The following DCT variants were observed in gnomAD, a reference collection of about 807,000 sequenced individuals.
The protein encoded by DCT is L-dopachrome tautomerase.
In DCT, 47 loss-of-function variants were observed where a neutral mutation model predicts 53.0. The ratio of observed to expected loss-of-function variants is 0.89; its 90% CI spans 0.70 to 1.13. The LOEUF (loss-of-function observed/expected upper bound fraction) is 1.13. Ranked by LOEUF, DCT falls within the 50% of genes most tolerant of loss-of-function variation. DCT has a pLI of 0.00. For missense variants in DCT, 669 were observed against 637.4 expected, an observed-to-expected ratio of 1.05 and a Z score of -0.53; for synonymous variants, 244 against 237.0, an observed-to-expected ratio of 1.03 and a Z score of -0.27.
the DCT span, among the ~76,000 whole-genome samples, chr13:94,545,843 G>C: frequency 6.6e-6 from 1 of 151,882 alleles, no homozygotes; most frequent in Non-Finnish European, 1.5e-5. Context: ...GACCTGAAAA[G>C]CCTTCTCAAC....
rs951706722 is a variant in DCT, at chr13:94,478,810, C to A, written c.295+151G>T. ...TGTGAAGAATAAACCAGCACATCAG[C>A]CTTATTGAATATGCTTCCGACCAAA... On this transcript the variant is annotated intron_variant, in intron 1 of 7. Transcript: ENST00000377028. 5.7e-5 allele frequency: 40 copies of A among 697,520 alleles called. No homozygotes were observed. In the African/African-American group the frequency reaches 6.6e-4, roughly 12 times the overall value. The allele number at this position is 697,520 out of a possible 1,614,324, so 43.2% of individuals were successfully genotyped here. A position where few individuals can be genotyped will look rare whatever the true frequency, so the allele number is the denominator to read the frequency against.
chr13:94,446,612 G>A (rs1882752120), intron 6 of DCT, among the ~76,000 whole-genome samples: 1 of 152,186 alleles, frequency 6.6e-6, no homozygotes, highest in Non-Finnish European at 1.5e-5. Context: ...CAGACTGGGT[G>A]GCTTAGACAA....
intron 6 of DCT, among the ~76,000 whole-genome samples, chr13:94,450,639 T>G (rs1314629862): frequency 6.6e-6 from 1 of 152,178 alleles, no homozygotes; most frequent in Non-Finnish European, 1.5e-5. Context: ...AAAAAAAGCT[T>G]CTTCTTCAAG....
chr13:94,543,208 TA>T, the DCT span, among the ~76,000 whole-genome samples: 8 of 152,338 alleles, frequency 5.3e-5, no homozygotes, highest in Admixed American at 4.6e-4. Flanking sequence ...GTTTTGCTTC[TA>T]GTCACTTAGT....
intron 1 of DCT, among the ~76,000 whole-genome samples, chr13:94,475,899 T>G (rs1168462030): frequency 6.6e-6 from 1 of 152,166 alleles, no homozygotes; most frequent in African/African-American, 2.4e-5. Flanking sequence ...ATAGATACAG[T>G]AAATCTTAAG....
At chr13:94,461,888 T>C in intron 5 of DCT, 122 bp downstream of exon 5, 2 of 759,594 alleles carry the variant, frequency 2.6e-6, no homozygotes, top group Non-Finnish European at 4.1e-6. Flanking sequence ...TCGTTAGGCC[T>C]CTCTCCATCA....
chr13:94,538,823 G>C, the DCT span, among the ~76,000 whole-genome samples: 1 of 152,148 alleles, frequency 6.6e-6, no homozygotes, highest in African/African-American at 2.4e-5. Flanking sequence ...TAGATAAACT[G>C]TCTAAGCTAC....
intron 2 of DCT, 79 bp from the exon 3 acceptor site, chr13:94,466,737 T>C: frequency 1.2e-6 from 1 of 866,736 alleles, no homozygotes; most frequent in Non-Finnish European, 1.8e-6. Context: ...GCTGTATCTA[T>C]AGAGCCAATA....
intron 6 of DCT, among the ~76,000 whole-genome samples, chr13:94,459,707 C>T (rs1883653828): frequency 6.6e-6 from 1 of 152,158 alleles, no homozygotes; most frequent in African/African-American, 2.4e-5. Flanking sequence ...TCTCCATTCT[C>T]CTCCCCTTTT....
At chr13:94,473,432 A>G (rs1280586938) in intron 1 of DCT, among the ~76,000 whole-genome samples, 1 of 152,184 alleles carries the variant, frequency 6.6e-6, no homozygotes, top group Admixed American at 6.5e-5. Context: ...TTTTGACTTA[A>G]CAGTATTTTC....
Position 94,437,319 on chromosome 13 carries a change from C to T in DCT, c.*2579G>A, listed in dbSNP as rs1441330406. 2.0e-5 allele frequency: 3 copies of T among 152,044 alleles called. No individual in the cohort carries two copies. Among genetic ancestry groups the T allele is most frequent in the African/African-American group, 7.2e-5 (3 of 41,390 alleles). The allele number at this position is 152,044 out of a possible 1,614,324, so 9.4% of individuals were successfully genotyped here. ...AGACAAACAATAATCTGCAAAACAA[C>T]ATTTATTTTTAGTTTCCTTTTTAGT... On this transcript the variant is annotated 3_prime_UTR_variant, in exon 8 of 8. Coordinates refer to ENST00000377028, the MANE Select transcript of DCT (RefSeq NM_001922.5).
At chr13:94,451,765 T>C (rs945928447) in intron 6 of DCT, among the ~76,000 whole-genome samples, 16 of 152,184 alleles carry the variant, frequency 1.1e-4, no homozygotes, top group Non-Finnish European at 1.9e-4. Flanking sequence ...ACATTCATTT[T>C]CCATAAACTA....
At chr13:94,477,119 C>T (rs1320572319) in intron 1 of DCT, among the ~76,000 whole-genome samples, 1 of 151,848 alleles carries the variant, frequency 6.6e-6, no homozygotes. Flanking sequence ...TTTTTTGAGA[C>T]AGATCTCACT....
intron 7 of DCT, 76 bp downstream of exon 7, chr13:94,443,360 T>G: frequency 8.2e-7 from 1 of 1,222,864 alleles, no homozygotes; most frequent in Non-Finnish European, 1.2e-6. Context: ...TGGTTTACAT[T>G]ATAAAGAAAG....
Position 94,438,030 on chromosome 13 carries a change from T to C in DCT, c.*1868A>G, listed in dbSNP as rs1178606961. The C allele has an allele frequency of 1.3e-5, 2 of 152,260 alleles. No homozygotes were observed. Among genetic ancestry groups the C allele is most frequent in the Admixed American group, 6.5e-5 (1 of 15,280 alleles). 9.4% of individuals were successfully genotyped at this position (152,260 alleles called of 1,614,324 possible). A position where few individuals can be genotyped will look rare whatever the true frequency, so the allele number is the denominator to read the frequency against. On this transcript the variant is annotated 3_prime_UTR_variant, in exon 8 of 8. Transcript: ENST00000377028. The stretch of plus-strand genomic sequence containing the variant: ...GTTATTTGCTTTATGAAATTATTCG[T>C]AATAGTTCACTTATAAAAAGTAACT...
At chr13:94,476,248 G>A in intron 1 of DCT, among the ~76,000 whole-genome samples, 1 of 127,928 alleles carries the variant, frequency 7.8e-6, no homozygotes. Context: ...ATTACTTCTA[G>A]AGCAATATTT....
the DCT span, among the ~76,000 whole-genome samples, chr13:94,547,984 A>AAAAAAAAAAAAAAATAGATATATATATAT: frequency 1.5e-5 from 1 of 65,844 alleles, no homozygotes; most frequent in African/African-American, 1.3e-4. Context: ...AAAAAAAAAA[A>AAAAAAAAAAAAAAATAGATATATATATAT]ATATATATAT....
the DCT span, among the ~76,000 whole-genome samples, chr13:94,488,019 CCAAA>C: frequency 2.9e-3 from 439 of 151,868 alleles, 3 homozygotes; most frequent in African/African-American, 9.6e-3. Flanking sequence ...TGTTTATACA[CCAAA>C]CACTTTTTAA....
chr13:94,472,975 T>C (rs1163273330), intron 1 of DCT, among the ~76,000 whole-genome samples: 2 of 152,218 alleles, frequency 1.3e-5, no homozygotes, highest in African/African-American at 4.8e-5. Flanking sequence ...GTCTTACATA[T>C]GACTATACTG....
Sources: allele counts gnomAD v4.1 joint callset (sites outside exome capture counted in the v4.1 genomes callset), GRCh38; gene constraint gnomAD v4.1.1; transcripts MANE v1.5; gene names NCBI Gene and HGNC (gene_info 2026-07-23, HGNC 2026-07-21).